Variants in LRP1B observed in about 807,000 individuals in gnomAD.
LRP1B encodes the protein low-density lipoprotein receptor-related protein 1B.
Under a neutral mutation model 556.6 loss-of-function variants are expected in LRP1B, and 217 were observed. The ratio of observed to expected loss-of-function variants is 0.39; its 90% confidence interval spans 0.35 to 0.44. LRP1B has a LOEUF of 0.44. Among genes scored for constraint, LRP1B ranks in the 20% least tolerant of loss-of-function variants. The probability of loss-of-function intolerance (pLI) is 1.00; values close to 1 mark genes in which losing one functional copy is unlikely to be tolerated. For missense variants in LRP1B, 5,053 were observed against 5,620.8 expected (o/e 0.90, Z 3.23); for synonymous variants, 2,047 against 1,865.8 (o/e 1.10, Z -2.50).
chr2:141,514,888 C>T (rs1162542927), intron 2 of LRP1B, among the ~76,000 whole-genome samples: 1 of 152,146 alleles, frequency 6.6e-6, no homozygotes, highest in Admixed American at 6.6e-5. Flanking sequence ...ACAGTTTCTA[C>T]TGAATGAATA....
chr2:141,246,147 C>G (rs185783925), intron 5 of LRP1B, among the ~76,000 whole-genome samples: 17 of 152,224 alleles, frequency 1.1e-4, no homozygotes, highest in Admixed American at 1.1e-3. Flanking sequence ...ATAAATAACA[C>G]TGGAAAATAA....
intron 84 of LRP1B, among the ~76,000 whole-genome samples, chr2:140,290,929 C>A (rs1167666824): frequency 6.6e-6 from 1 of 151,988 alleles, no homozygotes; most frequent in Non-Finnish European, 1.5e-5. Flanking sequence ...CCTATGCTCT[C>A]TAAATTGCAG....
intron 1 of LRP1B, among the ~76,000 whole-genome samples, chr2:142,082,687 T>C (rs574341524): frequency 5.3e-5 from 8 of 152,328 alleles, no homozygotes; most frequent in Non-Finnish European, 8.8e-5. Context: ...CTCTCTCAGC[T>C]TTTCCTTATA....
chr2:140,561,893 A>G (rs977573832), intron 43 of LRP1B, among the ~76,000 whole-genome samples: 1 of 152,054 alleles, frequency 6.6e-6, no homozygotes. Flanking sequence ...ATAATACATG[A>G]TTATTAAGAT....
intron 35 of LRP1B, among the ~76,000 whole-genome samples, chr2:140,734,635 C>A (rs1256478647): frequency 6.6e-6 from 1 of 152,122 alleles, no homozygotes; most frequent in Non-Finnish European, 1.5e-5. Flanking sequence ...TGAATATTAG[C>A]CTCTATGATC....
At position 141,721,013 on chromosome 2, in the gene LRP1B, C is replaced by A. The variant is rs572565144; in HGVS notation, c.205+89266G>T. 7.2e-5 allele frequency among the ~76,000 whole-genome samples: 11 copies of A among 152,188 alleles called. No individual in the cohort carries two copies. The South Asian group carries it at 2.3e-3, about 32-fold the overall frequency. ...TAGGAGGATGCTTTGGTTGTTCAAT[C>A]ATTCAAGGTATGCACTGGCTGCCAT... On this transcript the variant is annotated intron_variant, in intron 2 of 90. Transcript: ENST00000389484.
chr2:141,995,910 T>C (rs1012626321), intron 1 of LRP1B, among the ~76,000 whole-genome samples: 1 of 152,160 alleles, frequency 6.6e-6, no homozygotes, highest in Non-Finnish European at 1.5e-5. Flanking sequence ...GCTTCAGTTT[T>C]GTGGAAAAGA....
chr2:141,122,812 G>A (rs1308678520), intron 7 of LRP1B, among the ~76,000 whole-genome samples: 2 of 152,136 alleles, frequency 1.3e-5, no homozygotes, highest in Non-Finnish European at 2.9e-5. Context: ...TATGTTTATA[G>A]CGGCACTATT....
At chr2:141,908,196 T>C (rs954877456) in intron 1 of LRP1B, among the ~76,000 whole-genome samples, 1 of 152,116 alleles carries the variant, frequency 6.6e-6, no homozygotes, top group Non-Finnish European at 1.5e-5. Flanking sequence ...GCACTTGATA[T>C]ATATATGTTA....
chr2:140,476,737 T>G (rs1687991209), intron 59 of LRP1B, among the ~76,000 whole-genome samples: 1 of 151,824 alleles, frequency 6.6e-6, no homozygotes, highest in Non-Finnish European at 1.5e-5. Context: ...AAAGAAGAAA[T>G]ATATTTCTGA....
intron 73 of LRP1B, 151 bp downstream of exon 73, chr2:140,358,670 A>G: frequency 1.3e-6 from 1 of 754,564 alleles, no homozygotes; most frequent in Non-Finnish European, 2.1e-6. Flanking sequence ...ATGCTGGTGG[A>G]ATATTTTTAT....
intron 2 of LRP1B, among the ~76,000 whole-genome samples, chr2:141,799,645 C>T (rs1249046747): frequency 6.6e-6 from 1 of 152,108 alleles, no homozygotes; most frequent in Admixed American, 6.6e-5. Context: ...TATGGATCCT[C>T]ACTTCTGAAC....
chr2:141,993,862 C>G (rs1283298967), intron 1 of LRP1B, among the ~76,000 whole-genome samples: 2 of 152,098 alleles, frequency 1.3e-5, no homozygotes, highest in African/African-American at 4.8e-5. Flanking sequence ...AGATACAGAA[C>G]GAAGCTTGAC....
intron 77 of LRP1B, among the ~76,000 whole-genome samples, chr2:140,342,868 C>G (rs1164011149): frequency 3.3e-5 from 5 of 151,480 alleles, no homozygotes; most frequent in Non-Finnish European, 7.4e-5. Flanking sequence ...TGTGCATGTG[C>G]TGGATAAAAG....
chr2:140,536,816 T>A, intron 45 of LRP1B, 107 bp from the exon 46 acceptor site: 2 of 773,000 alleles, frequency 2.6e-6, no homozygotes, highest in Non-Finnish European at 4.0e-6. Context: ...AACTAAAATT[T>A]ATCAAAATGT....
At chr2:141,939,150 A>T (rs924908019) in intron 1 of LRP1B, among the ~76,000 whole-genome samples, 1 of 151,992 alleles carries the variant, frequency 6.6e-6, no homozygotes, top group African/African-American at 2.4e-5. Context: ...ATACTACAAA[A>T]AAAAACTATG....
At chr2:142,051,708 C>G (rs911404530) in intron 1 of LRP1B, among the ~76,000 whole-genome samples, 3 of 152,020 alleles carry the variant, frequency 2.0e-5, no homozygotes, top group Non-Finnish European at 2.9e-5. Context: ...AACTCTTGAC[C>G]TTGTGATCCA....
At chr2:142,115,809 TCATATATATGTAATATATATC>T (rs1278651026) in intron 1 of LRP1B, among the ~76,000 whole-genome samples, 1 of 9,890 alleles carries the variant, frequency 1.0e-4, no homozygotes, top group African/African-American at 2.2e-4. Flanking sequence ...GTAATATATA[TCATATATATGTAATATATATC>T]ATATATATGT....
At chr2:141,503,867 C>T (rs1459491219) in intron 2 of LRP1B, among the ~76,000 whole-genome samples, 3 of 152,052 alleles carry the variant, frequency 2.0e-5, no homozygotes, top group African/African-American at 7.2e-5. Flanking sequence ...AGAGAAACAA[C>T]TAATAAACAC....
Sources: gnomAD v4.1 joint callset for allele counts (sites outside exome capture counted in the v4.1 genomes callset) on GRCh38, gnomAD v4.1.1 for gene constraint, MANE v1.5 for transcripts, NCBI Gene and HGNC (gene_info 2026-07-23, HGNC 2026-07-21) for gene names.